Variants in RAB11FIP4 observed in about 807,000 individuals in gnomAD.
RAB11FIP4 encodes the protein rab11 family-interacting protein 4.
In RAB11FIP4, 23 loss-of-function variants were observed where a neutral mutation model predicts 74.3. The ratio of observed to expected loss-of-function variants is 0.31; its 90% CI spans 0.22 to 0.44. The LOEUF (loss-of-function observed/expected upper bound fraction) is 0.44. Among genes scored for constraint, RAB11FIP4 ranks in the 20% least tolerant of loss-of-function variants. The pLI is 1.00. For synonymous variants in RAB11FIP4, 360 were observed against 359.9 expected (o/e 1.00, Z 0.00); for missense variants, 630 against 863.9 (o/e 0.73, Z 3.39).
In RAB11FIP4 at chr17:31,434,092, C is replaced by T. The variant is rs201291649; in HGVS notation, c.306C>T (p.Cys102=). ...TGGAGAGCGCGGGGACGCTGCCGTG[C>T]GCGCCAGAGATCCCAGACTGCGTGG... ...LSVESAGTLP[C]APEIPDCVEQ... The change falls in exon 3 of 15, where the codon TGC becomes TGT. Residue 102 remains cysteine (C), a synonymous_variant. Coordinates refer to ENST00000621161, the MANE Select transcript of RAB11FIP4 (RefSeq NM_032932.6). The T allele has an allele frequency of 3.0e-5, 47 of 1,585,298 alleles. No individual in the cohort carries two copies. In the Admixed American group the frequency reaches 5.9e-4, roughly 20 times the overall value.
chr17:31,408,925 C>G (rs77266876), intron 1 of RAB11FIP4, among the ~76,000 whole-genome samples: 6,293 of 152,296 alleles, frequency 0.041, 410 homozygotes, highest in African/African-American at 0.14. Context: ...AAGAGGCCAT[C>G]AGGCCTCCTG....
intron 3 of RAB11FIP4, chr17:31,487,917 C>A (rs1033829249): frequency 8.2e-5 from 39 of 474,988 alleles, no homozygotes; most frequent in African/African-American, 8.0e-4. Context: ...TTACCTGGGC[C>A]CCGCCCCGCG....
At chr17:31,431,036 G>A (rs1328234357) in intron 1 of RAB11FIP4, among the ~76,000 whole-genome samples, 5 of 152,048 alleles carry the variant, frequency 3.3e-5, no homozygotes, top group South Asian at 2.1e-4. Context: ...CTGAGAGGCC[G>A]GGGGTTGATG....
chr17:31,444,795 G>A (rs1464290260), intron 3 of RAB11FIP4, among the ~76,000 whole-genome samples: 1 of 152,164 alleles, frequency 6.6e-6, no homozygotes, highest in Non-Finnish European at 1.5e-5. Flanking sequence ...AACCACCTTC[G>A]TATATACCTT....
At chr17:31,436,271 C>T (rs147130866) in intron 3 of RAB11FIP4, among the ~76,000 whole-genome samples, 10 of 152,244 alleles carry the variant, frequency 6.6e-5, no homozygotes, top group African/African-American at 2.4e-4. Flanking sequence ...GAAGACAGAC[C>T]CCTAATACGT....
intron 7 of RAB11FIP4, chr17:31,523,280 C>T (rs2072701836): frequency 1.7e-6 from 1 of 577,494 alleles, no homozygotes; most frequent in Admixed American, 2.9e-5. Flanking sequence ...AGCTGTGCGT[C>T]ATTGGCTGTG....
intron 3 of RAB11FIP4, among the ~76,000 whole-genome samples, chr17:31,436,710 T>C (rs1006996930): frequency 6.6e-6 from 1 of 152,204 alleles, no homozygotes; most frequent in Non-Finnish European, 1.5e-5. Context: ...TTCATGGGAC[T>C]TTGCAATCCT....
In RAB11FIP4 at chr17:31,536,921, C is replaced by T. The variant is rs1268833654; in HGVS notation, c.*5189C>T. 2.5e-6 allele frequency: 1 copy of T among 398,812 alleles called. No individual in the cohort carries two copies. The highest frequency in any genetic ancestry group is 4.4e-6 in the Non-Finnish European group (1 of 226,102). 24.7% of individuals were successfully genotyped at this position (398,812 alleles called of 1,614,324 possible). On this transcript the variant is annotated 3_prime_UTR_variant, in exon 15 of 15. Transcript: ENST00000621161. ...CCAGGCGAGGTTTCCCATATGACCTCCCTGCCCCGACCTCGTAGGTTGCTC... is the reference window on the plus strand; with the variant it reads ...CCAGGCGAGGTTTCCCATATGACCTTCCTGCCCCGACCTCGTAGGTTGCTC...
At chr17:31,395,295 G>A (rs553974910) in intron 1 of RAB11FIP4, among the ~76,000 whole-genome samples, 2 of 152,258 alleles carry the variant, frequency 1.3e-5, no homozygotes, top group African/African-American at 2.4e-5. Context: ...TCTGAATAAC[G>A]TATGTTGATA....
chr17:31,515,308 G>T (rs1010307530), intron 3 of RAB11FIP4, among the ~76,000 whole-genome samples: 1 of 151,738 alleles, frequency 6.6e-6, no homozygotes, highest in African/African-American at 2.4e-5. Context: ...GGGTGGAAGG[G>T]GCCCTGGGAA....
At chr17:31,523,448 G>A in intron 7 of RAB11FIP4, 64 bp from the exon 8 acceptor site, 3 of 1,308,886 alleles carry the variant, frequency 2.3e-6, no homozygotes, top group East Asian at 2.3e-5. Flanking sequence ...CTAGCCAGTA[G>A]TGTGAGTAGG....
chr17:31,429,855 C>A (rs1188259071), intron 1 of RAB11FIP4, among the ~76,000 whole-genome samples: 5 of 140,622 alleles, frequency 3.6e-5, no homozygotes, highest in African/African-American at 1.0e-4. Flanking sequence ...AAAAAAGAAT[C>A]CTTCCTCCAC....
intron 3 of RAB11FIP4, among the ~76,000 whole-genome samples, chr17:31,514,218 A>T (rs9900272): frequency 0.034 from 5,227 of 152,342 alleles, 280 homozygotes; most frequent in African/African-American, 0.12. Context: ...GAGTATCAGG[A>T]CGCTGCTGTA....
In RAB11FIP4 at chr17:31,530,583, A is replaced by G. The variant is rs1344245269; in HGVS notation, c.1797+114A>G. On this transcript the variant is annotated intron_variant, in intron 14 of 14. Coordinates refer to ENST00000621161, the MANE Select transcript of RAB11FIP4 (RefSeq NM_032932.6). ...AGACCAGGGCCTGGCAGAGAGTCCC[A>G]TCTACAGCTACCCCACATGACAGGG... The G allele has an allele frequency of 2.2e-6, 3 of 1,347,310 alleles. No homozygotes were observed. In the African/African-American group the frequency reaches 4.4e-5, roughly 20 times the overall value. The allele number at this position is 1,347,310 out of a possible 1,614,324, so 83.5% of individuals were successfully genotyped here.
At chr17:31,529,523 C>T (rs1203214747) in intron 13 of RAB11FIP4, among the ~76,000 whole-genome samples, 1 of 152,186 alleles carries the variant, frequency 6.6e-6, no homozygotes, top group African/African-American at 2.4e-5. Flanking sequence ...CACCCTTAGT[C>T]TTTGAAAGTG....
At chr17:31,525,599 A>C (rs1597983908) in intron 10 of RAB11FIP4, 2 of 225,904 alleles carry the variant, frequency 8.9e-6, no homozygotes, top group South Asian at 1.7e-4. Context: ...TAAATGGAAA[A>C]CCCGGCTCCT....
intron 3 of RAB11FIP4, among the ~76,000 whole-genome samples, chr17:31,490,287 C>G (rs748083152): frequency 6.6e-6 from 1 of 152,200 alleles, no homozygotes; most frequent in Non-Finnish European, 1.5e-5. Flanking sequence ...TTGCAACTCC[C>G]TCCTTCATCT....
At chr17:31,419,290 T>G (rs1484020294) in intron 1 of RAB11FIP4, among the ~76,000 whole-genome samples, 1 of 151,484 alleles carries the variant, frequency 6.6e-6, no homozygotes, top group African/African-American at 2.4e-5. Flanking sequence ...TTTTTTTGTT[T>G]TTTTTTTTTG....
rs117533161 is a variant in RAB11FIP4 at position 31,437,073 on chromosome 17, C to T, written c.336+2951C>T. ...CCAATGCTTTGGATTTTAAGCTTCT[C>T]GTGGGTGAACTCCTTTCTGCCCTCC... On this transcript the variant is annotated intron_variant, in intron 3 of 14. Transcript: ENST00000621161. Among the ~76,000 whole-genome samples the T allele has an allele frequency of 1.3e-4, 20 of 152,218 alleles. No homozygotes were observed. The East Asian group carries it at 2.5e-3, about 19-fold the overall frequency.
Sources: gnomAD v4.1 joint callset for allele counts (sites outside exome capture counted in the v4.1 genomes callset) on GRCh38, gnomAD v4.1.1 for gene constraint, MANE v1.5 for transcripts, NCBI Gene and HGNC (gene_info 2026-07-23, HGNC 2026-07-21) for gene names.